PAPPA: variants seen among roughly 807,000 people sequenced by gnomAD.
PAPPA encodes the protein pappalysin 1, also known as pappalysin-1.
Under a neutral mutation model 164.0 loss-of-function variants are expected in PAPPA, and 60 were observed. The ratio of observed to expected loss-of-function variants is 0.37; its 90% CI spans 0.30 to 0.45. PAPPA has a LOEUF of 0.45. Among genes scored for constraint, PAPPA ranks in the 20% least tolerant of loss-of-function variants. The pLI is 1.00. For synonymous variants in PAPPA, 875 were observed against 814.1 expected, an observed-to-expected ratio of 1.07 and a Z score of -1.27; for missense variants, 1,782 against 2,087.3, an observed-to-expected ratio of 0.85 and a Z score of 2.85.
At chr9:116,317,090 CAGG>C (rs987301700) in intron 10 of PAPPA, among the ~76,000 whole-genome samples, 6 of 152,104 alleles carry the variant, frequency 3.9e-5, no homozygotes, top group Non-Finnish European at 8.8e-5. Flanking sequence ...AGCTGAATAA[CAGG>C]AGAAAGGGGG....
chr9:116,280,037 T>G (rs1021632561), intron 9 of PAPPA, among the ~76,000 whole-genome samples: 2 of 152,194 alleles, frequency 1.3e-5, no homozygotes, highest in African/African-American at 4.8e-5. Flanking sequence ...GTAAGGATTG[T>G]GTGAAAACCT....
chr9:116,346,917 C>T, intron 14 of PAPPA, 109 bp from the exon 15 acceptor site: 2 of 758,446 alleles, frequency 2.6e-6, no homozygotes, highest in Non-Finnish European at 4.2e-6. Flanking sequence ...AAGCATTGGT[C>T]TCCTAGTGCC....
intron 20 of PAPPA, 134 bp downstream of exon 20, chr9:116,377,781 G>C (rs1247645982): frequency 1.5e-6 from 1 of 659,388 alleles, no homozygotes; most frequent in Non-Finnish European, 2.7e-6. Flanking sequence ...CAGACTTCTT[G>C]GACAGGGATT....
At chr9:116,305,176 C>CACAT (rs1554750322) in intron 10 of PAPPA, among the ~76,000 whole-genome samples, 3 of 149,260 alleles carry the variant, frequency 2.0e-5, no homozygotes, top group Admixed American at 2.0e-4. Context: ...CACACACACA[C>CACAT]GGAGTCTGCA....
At chr9:116,363,259 A>C (rs1163926165) in intron 18 of PAPPA, among the ~76,000 whole-genome samples, 2 of 152,164 alleles carry the variant, frequency 1.3e-5, no homozygotes, top group Non-Finnish European at 2.9e-5. Context: ...TTATCCTCAC[A>C]ATAACCTTTA....
intron 9 of PAPPA, among the ~76,000 whole-genome samples, chr9:116,292,265 G>A (rs754833079): frequency 1.8e-4 from 27 of 152,202 alleles, no homozygotes; most frequent in Admixed American, 1.2e-3. Context: ...ATGGCATGGC[G>A]TAGTTTACGT....
chr9:116,379,680 T>C (rs1396660159), intron 20 of PAPPA, among the ~76,000 whole-genome samples: 1 of 152,186 alleles, frequency 6.6e-6, no homozygotes, highest in Non-Finnish European at 1.5e-5. Flanking sequence ...AAATGGATGA[T>C]GCGCACAGTA....
chr9:116,197,349 C>A (rs571391270), intron 2 of PAPPA, among the ~76,000 whole-genome samples: 3 of 152,110 alleles, frequency 2.0e-5, no homozygotes, highest in Non-Finnish European at 2.9e-5. Flanking sequence ...GATTGACCAG[C>A]CCCTGTAACT....
intron 4 of PAPPA, among the ~76,000 whole-genome samples, chr9:116,218,052 T>C (rs148258269): frequency 6.6e-6 from 1 of 152,336 alleles, no homozygotes; most frequent in East Asian, 1.9e-4. Context: ...TAGGGAGCCA[T>C]AGAATGTTTG....
At chr9:116,221,985 G>T (rs932372201) in intron 5 of PAPPA, among the ~76,000 whole-genome samples, 1 of 152,206 alleles carries the variant, frequency 6.6e-6, no homozygotes. Flanking sequence ...GTTAGCCAGG[G>T]TGTGGAGAAA....
intron 9 of PAPPA, among the ~76,000 whole-genome samples, chr9:116,283,815 G>C (rs1421366453): frequency 6.6e-6 from 1 of 152,116 alleles, no homozygotes; most frequent in South Asian, 2.1e-4. Flanking sequence ...GTCTCCACAA[G>C]AGTCTGAAAT....
At chr9:116,180,927 T>C (rs1843897305) in intron 1 of PAPPA, among the ~76,000 whole-genome samples, 2 of 152,216 alleles carry the variant, frequency 1.3e-5, no homozygotes, top group Non-Finnish European at 2.9e-5. Flanking sequence ...TCCAGTTTTC[T>C]GATCTGTAAA....
intron 1 of PAPPA, among the ~76,000 whole-genome samples, chr9:116,159,024 A>C (rs1340735122): frequency 6.6e-6 from 1 of 152,202 alleles, no homozygotes; most frequent in Non-Finnish European, 1.5e-5. Flanking sequence ...TCTATGTGTC[A>C]ACCATATACC....
In PAPPA at chr9:116,401,157, G is replaced by A. The variant is rs972934468; in HGVS notation, c.*4541G>A. ...CACCTTAAAAGAGAGACCTGTATTG[G>A]AGAATATTTTATTTTTTTGGCAAAT... On this transcript the variant is annotated 3_prime_UTR_variant, in exon 22 of 22. Coordinates refer to ENST00000328252, the MANE Select transcript of PAPPA (RefSeq NM_002581.5). The A allele has an allele frequency of 6.6e-6, 1 of 152,616 alleles. No homozygotes were observed. Among genetic ancestry groups the A allele is most frequent in the Non-Finnish European group, 1.5e-5 (1 of 68,030 alleles). 9.5% of individuals were successfully genotyped at this position (152,616 alleles called of 1,614,324 possible).
chr9:116,309,243 T>A (rs2118903996), intron 10 of PAPPA, among the ~76,000 whole-genome samples: 1 of 152,104 alleles, frequency 6.6e-6, no homozygotes, highest in African/African-American at 2.4e-5. Context: ...GCCCAGCTAA[T>A]TTTTGTATTT....
chr9:116,246,127 A>G (rs921816181), intron 7 of PAPPA, among the ~76,000 whole-genome samples: 2 of 152,184 alleles, frequency 1.3e-5, no homozygotes, highest in African/African-American at 2.4e-5. Flanking sequence ...TCCAAAATGC[A>G]TTAGGCCTGT....
intron 9 of PAPPA, chr9:116,286,527 G>A (rs1845341430): frequency 6.6e-6 from 1 of 152,146 alleles, no homozygotes; most frequent in African/African-American, 2.4e-5. Context: ...TGTAAGTACT[G>A]CGTCTGAAGG....
intron 1 of PAPPA, among the ~76,000 whole-genome samples, chr9:116,176,294 T>C (rs1843834130): frequency 6.6e-6 from 1 of 152,170 alleles, no homozygotes; most frequent in African/African-American, 2.4e-5. Context: ...TCTGAGAGCA[T>C]CAGAGAAAGA....
At chr9:116,208,163 G>C (rs771680001) in intron 3 of PAPPA, among the ~76,000 whole-genome samples, 7 of 152,168 alleles carry the variant, frequency 4.6e-5, no homozygotes, top group Non-Finnish European at 1.0e-4. Context: ...ACATAAGTTT[G>C]TACAAACCAA....
Sources: allele counts gnomAD v4.1 joint callset (sites outside exome capture counted in the v4.1 genomes callset), GRCh38; gene constraint gnomAD v4.1.1; transcripts MANE v1.5; gene names NCBI Gene and HGNC (gene_info 2026-07-23, HGNC 2026-07-21).